The following LRRC37A variants were observed in gnomAD, a reference collection of about 807,000 sequenced individuals.
The protein encoded by LRRC37A is leucine-rich repeat-containing protein 37A.
A neutral mutation model predicts 35.4 loss-of-function variants in LRRC37A; 3 were observed. The observed-to-expected ratio is 0.08, with a 90% CI of 0.04 to 0.22. The LOEUF (loss-of-function observed/expected upper bound fraction) is 0.22. Ranked by LOEUF, LRRC37A falls within the 10% of genes least tolerant of loss-of-function variation. The pLI is 1.00. For missense variants in LRRC37A, 67 were observed against 565.3 expected (o/e 0.12, Z 8.94); for synonymous variants, 23 against 215.0 (o/e 0.11, Z 7.81).
the LRRC37A span, among the ~76,000 whole-genome samples, chr17:46,262,333 C>CGATCTTCCT: frequency 2.6e-5 from 4 of 152,154 alleles, no homozygotes; most frequent in African/African-American, 7.2e-5. Context: ...TGCGCCCGGC[C>CGATCTTCCT]GATCTTCCTT....
the LRRC37A span, among the ~76,000 whole-genome samples, chr17:46,255,658 G>A: frequency 6.6e-6 from 1 of 150,946 alleles, no homozygotes; most frequent in East Asian, 2.0e-4. Flanking sequence ...GAGCCACCGC[G>A]CCCGGCCCCC....
the LRRC37A span, among the ~76,000 whole-genome samples, chr17:46,274,140 C>T: frequency 1.3e-5 from 2 of 152,236 alleles, no homozygotes; most frequent in African/African-American, 4.8e-5. Context: ...CCTCCCTCCC[C>T]ACAGAGGCTT....
chr17:46,258,714 T>G, the LRRC37A span, among the ~76,000 whole-genome samples: 20 of 139,190 alleles, frequency 1.4e-4, no homozygotes, highest in African/African-American at 4.1e-4. Context: ...ATTCTTTTTT[T>G]TTTTTTTTTT....
chr17:46,272,741 C>T, the LRRC37A span, among the ~76,000 whole-genome samples: 1 of 152,216 alleles, frequency 6.6e-6, no homozygotes, highest in African/African-American at 2.4e-5. Flanking sequence ...TCAAAAATTA[C>T]TTTTGAAAGA....
the LRRC37A span, chr17:46,259,576 G>A: frequency 3.2e-4 from 513 of 1,612,110 alleles, 1 homozygote; most frequent in African/African-American, 5.0e-3. Flanking sequence ...ACCTGCCTCA[G>A]CCCCAGCAGA....
chr17:46,330,845 G>A (rs1382708081), exon 9 of LRRC37A: 1 of 718,186 alleles, frequency 1.4e-6, no homozygotes, highest in East Asian at 2.6e-5. Flanking sequence ...CATCAGGAGG[G>A]AACAGGGTGC....
the LRRC37A span, among the ~76,000 whole-genome samples, chr17:46,281,186 G>T: frequency 6.6e-6 from 1 of 151,994 alleles, no homozygotes; most frequent in Admixed American, 6.6e-5. Context: ...TTTTCCATTT[G>T]TCCACCTGGC....
the LRRC37A span, among the ~76,000 whole-genome samples, chr17:46,277,095 GCA>G: frequency 6.6e-6 from 1 of 152,206 alleles, no homozygotes; most frequent in Non-Finnish European, 1.5e-5. Context: ...GTGAGCCACT[GCA>G]CACAGCCTAA....
chr17:46,277,659 T>TCTTTC, the LRRC37A span, among the ~76,000 whole-genome samples: 1 of 151,558 alleles, frequency 6.6e-6, no homozygotes, highest in Non-Finnish European at 1.5e-5. Flanking sequence ...CTTTCTTTTT[T>TCTTTC]TTTTTTTGAG....
chr17:46,262,327 C>T, the LRRC37A span, among the ~76,000 whole-genome samples: 3 of 152,274 alleles, frequency 2.0e-5, no homozygotes, highest in African/African-American at 7.2e-5. Context: ...AGCCACTGCG[C>T]CCGGCCGATC....
At chr17:46,326,750 CATT>C (rs1162815272) in intron 7 of LRRC37A, among the ~76,000 whole-genome samples, 1 of 28,780 alleles carries the variant, frequency 3.5e-5, no homozygotes, top group Non-Finnish European at 7.9e-5. Context: ...CCCAAATTCA[CATT>C]ATTAGCAGAG....
At chr17:46,261,741 A>C in the LRRC37A span, among the ~76,000 whole-genome samples, 2 of 151,614 alleles carry the variant, frequency 1.3e-5, no homozygotes, top group African/African-American at 4.8e-5. Context: ...CCACTAAAAA[A>C]AAAAAAAAGA....
chr17:46,253,470 A>G, the LRRC37A span, among the ~76,000 whole-genome samples: 2 of 152,150 alleles, frequency 1.3e-5, no homozygotes, highest in Admixed American at 1.3e-4. Context: ...CTGAGCACTG[A>G]GTGAACGAGA....
At chr17:46,286,426 CAG>C in the LRRC37A span, among the ~76,000 whole-genome samples, 1 of 152,220 alleles carries the variant, frequency 6.6e-6, no homozygotes, top group African/African-American at 2.4e-5. Flanking sequence ...AAGGTAATAA[CAG>C]AGTCTCAAAG....
the LRRC37A span, among the ~76,000 whole-genome samples, chr17:46,264,146 C>CTTTT: frequency 2.3e-4 from 32 of 138,772 alleles, 1 homozygote; most frequent in Non-Finnish European, 2.9e-4. Context: ...CCTCAGCTGA[C>CTTTT]TTTTTTTTTT....
chr17:46,279,424 T>A, the LRRC37A span, among the ~76,000 whole-genome samples: 14 of 152,078 alleles, frequency 9.2e-5, no homozygotes, highest in East Asian at 2.7e-3. Context: ...CCTCAGGTGA[T>A]CCATCCACCT....
the LRRC37A span, among the ~76,000 whole-genome samples, chr17:46,271,719 G>A: frequency 6.6e-6 from 1 of 152,126 alleles, no homozygotes; most frequent in African/African-American, 2.4e-5. Flanking sequence ...TAGGCCATTT[G>A]GAATATAAAA....
chr17:46,279,222 C>T, the LRRC37A span, among the ~76,000 whole-genome samples: 6 of 132,758 alleles, frequency 4.5e-5, no homozygotes, highest in Admixed American at 8.2e-5. Flanking sequence ...CTCGCTCTGT[C>T]GCCTAGGCTG....
the LRRC37A span, among the ~76,000 whole-genome samples, chr17:46,263,884 A>G: frequency 1.3e-5 from 2 of 149,348 alleles, no homozygotes; most frequent in African/African-American, 4.9e-5. Flanking sequence ...AGAGAGAGAG[A>G]CAGGGTTTCA....
Sources: allele counts gnomAD v4.1 joint callset (sites outside exome capture counted in the v4.1 genomes callset), GRCh38; gene constraint gnomAD v4.1.1; transcripts MANE v1.5; gene names NCBI Gene and HGNC (gene_info 2026-07-23, HGNC 2026-07-21).